The following RBPJ variants were observed in gnomAD, a reference collection of about 807,000 sequenced individuals.
RBPJ encodes recombining binding protein suppressor of hairless.
In RBPJ, 9 loss-of-function variants were observed where a neutral mutation model predicts 67.8. That is an observed-to-expected ratio of 0.13 (90% CI 0.08 to 0.23). RBPJ has a LOEUF of 0.23. Among genes scored for constraint, RBPJ ranks in the 10% least tolerant of loss-of-function variants. The pLI is 1.00. For missense variants in RBPJ, 305 were observed against 595.6 expected (o/e 0.51, Z 5.08); for synonymous variants, 198 against 203.3 (o/e 0.97, Z 0.22).
intron 1 of RBPJ, among the ~76,000 whole-genome samples, chr4:26,199,226 A>C (rs541241469): frequency 1.5e-4 from 23 of 152,282 alleles, no homozygotes; most frequent in African/African-American, 5.3e-4. Context: ...GGAGCGGATC[A>C]TGAGGTCAGG....
intron 1 of RBPJ, among the ~76,000 whole-genome samples, chr4:26,341,845 A>G (rs961156784): frequency 6.6e-6 from 1 of 152,204 alleles, no homozygotes; most frequent in Non-Finnish European, 1.5e-5. Context: ...CAAAGGAGAA[A>G]TACCAGCACG....
At chr4:26,180,879 G>GAAT (rs1716959846) in intron 1 of RBPJ, among the ~76,000 whole-genome samples, 1 of 152,162 alleles carries the variant, frequency 6.6e-6, no homozygotes, top group Admixed American at 6.5e-5. Flanking sequence ...TGTAGACTAG[G>GAAT]GATTTACATG....
At chr4:26,149,614 GCTCT>G in the RBPJ span, among the ~76,000 whole-genome samples, 2 of 150,594 alleles carry the variant, frequency 1.3e-5, no homozygotes, top group Non-Finnish European at 3.0e-5. Context: ...AGTGAGCTCA[GCTCT>G]CTCTCTCTCT....
intron 1 of RBPJ, among the ~76,000 whole-genome samples, chr4:26,306,409 T>C (rs1178331336): frequency 1.3e-5 from 2 of 151,232 alleles, no homozygotes; most frequent in African/African-American, 4.9e-5. Context: ...GAGGTATTGG[T>C]CTGTAGTTTT....
chr4:26,215,329 AAGAG>A lies in RBPJ; in HGVS notation c.-167+51723_-167+51726del, dbSNP rs1292383424. 2.3e-4 allele frequency among the ~76,000 whole-genome samples: 17 copies of A among 72,816 alleles called. 2 individuals are homozygous for A. The highest frequency in any genetic ancestry group is 7.8e-4 in the African/African-American group (12 of 15,432). The allele number at this position is 72,816 out of a possible 152,430, so 47.8% of individuals were successfully genotyped here. A position where few individuals can be genotyped will look rare whatever the true frequency, so the allele number is the denominator to read the frequency against. The stretch of plus-strand genomic sequence containing the variant: ...GAGAAAAGAGAAAGAAAGAAAGAAA[AAGAG>A]AGAGAGAAAGAAAGAAAAAAAGAAG... On this transcript the variant is annotated intron_variant, in intron 1 of 4. Transcript: ENST00000512351.
chr4:26,320,614 C>G, upstream of RBPJ: 2 of 976,386 alleles, frequency 2.0e-6, no homozygotes, highest in Middle Eastern at 2.2e-4. Flanking sequence ...CCCATTTTCC[C>G]AGGACCCCTC....
At chr4:26,410,646 A>G (rs1733924346) in intron 3 of RBPJ, among the ~76,000 whole-genome samples, 1 of 152,214 alleles carries the variant, frequency 6.6e-6, no homozygotes, top group Admixed American at 6.5e-5. Context: ...GTCCTTGTGA[A>G]CTGAATAATC....
intron 1 of RBPJ, among the ~76,000 whole-genome samples, chr4:26,184,999 G>T (rs891991524): frequency 1.3e-5 from 2 of 152,002 alleles, no homozygotes; most frequent in African/African-American, 4.8e-5. Flanking sequence ...AAAATTAGCT[G>T]GGTGTGGCAT....
chr4:26,361,404 G>A (rs1253752103), intron 1 of RBPJ, among the ~76,000 whole-genome samples: 1 of 152,094 alleles, frequency 6.6e-6, no homozygotes, highest in Non-Finnish European at 1.5e-5. Flanking sequence ...ATTTTCATCA[G>A]TTACATCTAC....
chr4:26,248,205 C>T (rs6448441), intron 1 of RBPJ, among the ~76,000 whole-genome samples: 9,870 of 152,070 alleles, frequency 0.065, 392 homozygotes, highest in African/African-American at 0.11. Flanking sequence ...GCAGGAGAAT[C>T]GCTTGAACCT....
chr4:26,170,041 C>T (rs1367495509), intron 1 of RBPJ, among the ~76,000 whole-genome samples: 5 of 152,150 alleles, frequency 3.3e-5, no homozygotes, highest in African/African-American at 1.2e-4. Context: ...TGAGGCAATG[C>T]CTCACCGTGC....
At chr4:26,113,402 C>A in the RBPJ span, 3 of 540,944 alleles carry the variant, frequency 5.5e-6, no homozygotes, top group Non-Finnish European at 7.2e-6. Context: ...AGGAGAGAAA[C>A]CCTATGAATG....
At chr4:26,201,743 G>A (rs914627141) in intron 1 of RBPJ, among the ~76,000 whole-genome samples, 2 of 152,304 alleles carry the variant, frequency 1.3e-5, no homozygotes, top group Admixed American at 6.5e-5. Flanking sequence ...TCTAAACCAA[G>A]TTACACCTAC....
downstream of RBPJ, chr4:26,435,047 A>G (rs1310176587): frequency 6.6e-6 from 1 of 152,228 alleles, no homozygotes; most frequent in African/African-American, 2.4e-5. Context: ...ACATCACATC[A>G]AAGTGATAGC....
Position 26,371,531 on chromosome 4 carries a change from A to ATT in RBPJ, c.21-14814_21-14813dup, listed in dbSNP as rs5856941. 2.3e-3 allele frequency among the ~76,000 whole-genome samples: 342 copies of ATT among 151,706 alleles called. 1 individual carries two copies. The highest frequency in any genetic ancestry group is 7.8e-3 in the African/African-American group (323 of 41,372). ...CAGTTTATTGTGGAAACTAGTTGGC[A>ATT]TTTTTTTTTCTCAGCACAAATACAG... On this transcript the variant is annotated intron_variant, in intron 1 of 10. Coordinates refer to ENST00000355476, the MANE Select transcript of RBPJ (RefSeq NM_015874.6).
chr4:26,406,604 T>G (rs1477655041), intron 3 of RBPJ, among the ~76,000 whole-genome samples: 2 of 152,226 alleles, frequency 1.3e-5, no homozygotes, highest in Non-Finnish European at 2.9e-5. Context: ...TATTTGTCCC[T>G]TACGCATTTG....
chr4:26,380,494 T>C (rs1463576005), intron 1 of RBPJ, among the ~76,000 whole-genome samples: 1 of 152,242 alleles, frequency 6.6e-6, no homozygotes, highest in African/African-American at 2.4e-5. Context: ...TTTTTGTGTG[T>C]GTAAATTACT....
chr4:26,320,887 G>T (rs935071357), upstream of RBPJ: 12 of 1,582,938 alleles, frequency 7.6e-6, no homozygotes, highest in Non-Finnish European at 1.0e-5. Flanking sequence ...GGCTCTTCGC[G>T]GCGGCGGCGA....
At chr4:26,387,324 TG>T (rs1731017375) in intron 2 of RBPJ, among the ~76,000 whole-genome samples, 1 of 152,126 alleles carries the variant, frequency 6.6e-6, no homozygotes, top group Non-Finnish European at 1.5e-5. Context: ...AGGTAAATAA[TG>T]ATAGTAATGG....
Sources: allele counts gnomAD v4.1 joint callset (sites outside exome capture counted in the v4.1 genomes callset), GRCh38; gene constraint gnomAD v4.1.1; transcripts MANE v1.5; gene names NCBI Gene and HGNC (gene_info 2026-07-23, HGNC 2026-07-21).